Variants in CSMD3 observed in about 807,000 individuals in gnomAD.
CSMD3 encodes the protein CUB and sushi domain-containing protein 3.
A neutral mutation model predicts 435.2 loss-of-function variants in CSMD3; 177 were observed. The ratio of observed to expected loss-of-function variants is 0.41; its 90% CI spans 0.36 to 0.46. CSMD3 has a LOEUF of 0.46. CSMD3 is among the 20% of genes least tolerant of loss of function. The pLI, the probability that CSMD3 is intolerant of heterozygous loss-of-function variation, is 0.34. For missense variants in CSMD3, 4,265 were observed against 4,504.6 expected (o/e 0.95, Z 1.52); for synonymous variants, 1,656 against 1,520.5 (o/e 1.09, Z -2.07).
At chr8:113,338,453 T>C (rs2094093687) in intron 1 of CSMD3, among the ~76,000 whole-genome samples, 1 of 151,948 alleles carries the variant, frequency 6.6e-6, no homozygotes, top group Non-Finnish European at 1.5e-5. Flanking sequence ...AGTAGCATTA[T>C]TTATAGGAGC....
At position 112,293,513 on chromosome 8, in the gene CSMD3, C is replaced by T. The variant is rs565356057; in HGVS notation, c.8615-803G>A. Among the ~76,000 whole-genome samples, 4 of 152,058 alleles carry T rather than the reference C, an allele frequency of 2.6e-5. No individual in the cohort carries two copies. In the East Asian group the frequency reaches 7.7e-4, roughly 29 times the overall value. Reference sequence around the variant, plus strand: ...ATAATGTAGAAAATAGAAAATGATACACAAAGGCTGCATTAGGATATTCAT... The same window carrying T: ...ATAATGTAGAAAATAGAAAATGATATACAAAGGCTGCATTAGGATATTCAT... On this transcript the variant is annotated intron_variant, in intron 54 of 70. Coordinates refer to ENST00000297405, the MANE Select transcript of CSMD3 (RefSeq NM_198123.2).
chr8:113,327,459 G>C (rs1169767115), intron 1 of CSMD3, among the ~76,000 whole-genome samples: 1 of 151,940 alleles, frequency 6.6e-6, no homozygotes, highest in Non-Finnish European at 1.5e-5. Context: ...AAAAACTGCT[G>C]AACCTTACTA....
At chr8:112,853,666 T>C (rs112115932) in intron 11 of CSMD3, among the ~76,000 whole-genome samples, 2 of 152,350 alleles carry the variant, frequency 1.3e-5, no homozygotes, top group African/African-American at 4.8e-5. Context: ...GATATCTGGA[T>C]TTTATATCCC....
At chr8:113,411,468 T>C (rs1473338037) in intron 1 of CSMD3, among the ~76,000 whole-genome samples, 2 of 152,194 alleles carry the variant, frequency 1.3e-5, no homozygotes, top group African/African-American at 2.4e-5. Context: ...TGTATGTTTC[T>C]TGAACTCAGT....
intron 45 of CSMD3, among the ~76,000 whole-genome samples, chr8:112,323,082 T>A (rs553028211): frequency 1.1e-4 from 16 of 152,084 alleles, no homozygotes. Flanking sequence ...AAGATCTGGT[T>A]AAAATGCTTT....
chr8:113,153,512 T>A lies in CSMD3; in HGVS notation c.709+20210A>T, dbSNP rs551798822. Among the ~76,000 whole-genome samples the A allele has an allele frequency of 3.9e-5, 6 of 152,190 alleles. No individual in the cohort carries two copies. The South Asian group carries it at 1.2e-3, about 32-fold the overall frequency. On this transcript the variant is annotated intron_variant, in intron 4 of 70. Coordinates refer to ENST00000297405, the MANE Select transcript of CSMD3 (RefSeq NM_198123.2). Reference sequence around the variant, plus strand: ...ATTTGAAAAGCCTTCATCTGTTACATGATAAAAATATGACACTTACATTGT... The same window carrying A: ...ATTTGAAAAGCCTTCATCTGTTACAAGATAAAAATATGACACTTACATTGT...
At chr8:112,437,266 T>C (rs17560620) in intron 32 of CSMD3, among the ~76,000 whole-genome samples, 3 of 151,976 alleles carry the variant, frequency 2.0e-5, no homozygotes, top group African/African-American at 4.8e-5. Context: ...GTTCCACATG[T>C]TTCTATCAAT....
chr8:113,337,015 T>C (rs960769545), intron 1 of CSMD3, among the ~76,000 whole-genome samples: 2 of 152,260 alleles, frequency 1.3e-5, no homozygotes, highest in African/African-American at 2.4e-5. Context: ...ATAGGACATA[T>C]ATCAACTCAA....
intron 1 of CSMD3, among the ~76,000 whole-genome samples, chr8:113,343,575 G>A (rs1813494628): frequency 6.6e-6 from 1 of 152,132 alleles, no homozygotes; most frequent in African/African-American, 2.4e-5. Context: ...ACAGGCTCAG[G>A]CTTCCCATAT....
intron 38 of CSMD3, among the ~76,000 whole-genome samples, chr8:112,359,407 C>T (rs1197448772): frequency 1.3e-5 from 2 of 152,054 alleles, no homozygotes; most frequent in African/African-American, 4.8e-5. Flanking sequence ...ATTTATCTCC[C>T]ATCTGAGAAT....
intron 61 of CSMD3, among the ~76,000 whole-genome samples, chr8:112,258,849 C>T (rs1265518959): frequency 6.6e-6 from 1 of 152,132 alleles, no homozygotes; most frequent in Non-Finnish European, 1.5e-5. Context: ...ACCATCCTGG[C>T]TGACACGGTG....
chr8:112,702,247 G>A (rs182371915), intron 13 of CSMD3, among the ~76,000 whole-genome samples: 1 of 152,024 alleles, frequency 6.6e-6, no homozygotes, highest in Non-Finnish European at 1.5e-5. Context: ...GCTGGCTTTT[G>A]AATACAGTCA....
chr8:112,254,361 A>C (rs1369298520), intron 62 of CSMD3, 35 bp from the exon 63 acceptor site: 1 of 1,381,486 alleles, frequency 7.2e-7, no homozygotes, highest in Admixed American at 1.7e-5. Context: ...TAGTCCTTTA[A>C]AATTTACAAT....
intron 6 of CSMD3, among the ~76,000 whole-genome samples, chr8:112,993,571 T>C (rs140172650): frequency 2.5e-3 from 374 of 151,910 alleles, no homozygotes; most frequent in African/African-American, 8.6e-3. Context: ...GCTGAAGATA[T>C]AAAGATAAAA....
chr8:113,015,620 T>C (rs1160256544), intron 6 of CSMD3, among the ~76,000 whole-genome samples: 1 of 151,852 alleles, frequency 6.6e-6, no homozygotes, highest in East Asian at 1.9e-4. Context: ...TGATTGCACA[T>C]TGAAAGAGAA....
intron 58 of CSMD3, among the ~76,000 whole-genome samples, chr8:112,283,348 A>G (rs996035639): frequency 6.6e-6 from 1 of 151,812 alleles, no homozygotes; most frequent in African/African-American, 2.4e-5. Context: ...TTTAAAAATC[A>G]TGGTACCATT....
intron 1 of CSMD3, among the ~76,000 whole-genome samples, chr8:113,348,200 A>G (rs1355015191): frequency 6.6e-6 from 1 of 152,186 alleles, no homozygotes; most frequent in African/African-American, 2.4e-5. Context: ...AAGGTCCGTT[A>G]TTAATGTATT....
chr8:112,591,273 G>C (rs1831169521), intron 22 of CSMD3, among the ~76,000 whole-genome samples: 1 of 152,068 alleles, frequency 6.6e-6, no homozygotes, highest in Admixed American at 6.6e-5. Flanking sequence ...ATAATATGAT[G>C]ATAAATGTGG....
intron 2 of CSMD3, among the ~76,000 whole-genome samples, chr8:113,298,177 T>A (rs1027990528): frequency 6.6e-6 from 1 of 152,090 alleles, no homozygotes; most frequent in Non-Finnish European, 1.5e-5. Context: ...AGGAATATAG[T>A]TAGGTTGGTG....
Sources: gnomAD v4.1 joint callset for allele counts (sites outside exome capture counted in the v4.1 genomes callset) on GRCh38, gnomAD v4.1.1 for gene constraint, MANE v1.5 for transcripts, NCBI Gene and HGNC (gene_info 2026-07-23, HGNC 2026-07-21) for gene names.